The following TDRD9 variants were observed in gnomAD, a reference collection of about 807,000 sequenced individuals.
TDRD9 encodes the protein ATP-dependent RNA helicase TDRD9.
TDRD9 carries 124 observed loss-of-function variants against 172.6 expected under a neutral mutation model. The observed-to-expected ratio is 0.72, with a 90% CI of 0.62 to 0.83. The LOEUF (loss-of-function observed/expected upper bound fraction) is 0.83, where lower values mean the gene tolerates loss of function less well. TDRD9 is among the 40% of genes least tolerant of loss of function. TDRD9 has a pLI of 0.00. For missense variants in TDRD9, 1,479 were observed against 1,714.1 expected (o/e 0.86, Z 2.42); for synonymous variants, 619 against 617.1 (o/e 1.00, Z -0.05).
In TDRD9 at chr14:103,963,156, A is replaced by C; in HGVS notation, c.400A>C (p.Ile134Leu). Reference sequence around the variant, plus strand: ...AACTTATAAATATCCTGATTTGCCTATAAGTCGATACAAGGAAGAGGTAAA... The same window carrying C: ...AACTTATAAATATCCTGATTTGCCTCTAAGTCGATACAAGGAAGAGGTAAA... ...GTTYKYPDLP[I>L]SRYKEEVVSL... The change falls in exon 3 of 36, where the codon ATA (isoleucine) becomes CTA (leucine). Residue 134 changes from isoleucine to leucine, a missense_variant. Physicochemically the swap from Ile to Leu is conservative, Grantham distance 5 (BLOSUM62 2). Around this residue, in one of 3 missense-constraint regions of TDRD9, gnomAD observed 1,413 missense variants for 1,649.1 expected, o/e 0.86. Coordinates refer to ENST00000409874, the MANE Select transcript of TDRD9 (RefSeq NM_153046.3). 6.5e-7 allele frequency: 1 copy of C among 1,548,692 alleles called. No homozygotes were observed. Among genetic ancestry groups the C allele is most frequent in the Non-Finnish European group, 8.7e-7 (1 of 1,145,204 alleles).
chr14:104,021,877 G>A (rs2152239501), intron 23 of TDRD9, among the ~76,000 whole-genome samples: 1 of 152,224 alleles, frequency 6.6e-6, no homozygotes, highest in South Asian at 2.1e-4. Flanking sequence ...AGATTTCTTT[G>A]CCCCAAATTC....
At chr14:104,025,335 C>T (rs1033861354) in intron 25 of TDRD9, among the ~76,000 whole-genome samples, 4 of 152,176 alleles carry the variant, frequency 2.6e-5, no homozygotes, top group East Asian at 1.9e-4. Context: ...AGTCTTGTAC[C>T]GCCAAGAAAA....
At chr14:103,955,517 T>C in intron 1 of TDRD9, 147 bp from the exon 2 acceptor site, 1 of 537,462 alleles carries the variant, frequency 1.9e-6, no homozygotes, top group South Asian at 2.8e-5. Context: ...AATTTGCATC[T>C]GCCTGGTAAC....
rs2034437371 is a variant in TDRD9 at position 104,006,383 on chromosome 14, A to G, written c.1714-6A>G. ...TTGATAATAACACTAATTTTATTTT[A>G]TAAAGGTTGGAGCACTTGCAGTGAG... On this transcript the variant is annotated splice_polypyrimidine_tract_variant and splice_region_variant and intron_variant, in intron 15 of 35. Coordinates refer to ENST00000409874, the MANE Select transcript of TDRD9 (RefSeq NM_153046.3). 4.3e-6 allele frequency: 7 copies of G among 1,610,838 alleles called. No homozygotes were observed. Among genetic ancestry groups the G allele is most frequent in the Non-Finnish European group, 5.9e-6 (7 of 1,178,428 alleles).
intron 6 of TDRD9, among the ~76,000 whole-genome samples, chr14:103,971,206 A>C (rs1337321926): frequency 6.6e-6 from 1 of 151,352 alleles, no homozygotes; most frequent in Non-Finnish European, 1.5e-5. Context: ...GATGGTCTTG[A>C]TCTCCTGACC....
At chr14:104,031,073 TC>T (rs2035265787) in intron 28 of TDRD9, 34 bp from the exon 29 acceptor site, 1 of 1,538,014 alleles carries the variant, frequency 6.5e-7, no homozygotes, top group African/African-American at 1.4e-5. Flanking sequence ...TGTAATATTT[TC>T]TTTTAACAAA....
intron 34 of TDRD9, among the ~76,000 whole-genome samples, chr14:104,048,526 G>T (rs1428327744): frequency 2.6e-5 from 4 of 152,238 alleles, no homozygotes; most frequent in South Asian, 4.1e-4. Flanking sequence ...TTTAAATACT[G>T]CCCTGAAGGC....
chr14:104,013,009 C>T (rs1324527204), intron 20 of TDRD9, among the ~76,000 whole-genome samples: 4 of 152,186 alleles, frequency 2.6e-5, no homozygotes, highest in Admixed American at 6.5e-5. Context: ...TGATTACAGT[C>T]ACATGAAACA....
chr14:104,002,732 CT>C (rs200744019), intron 13 of TDRD9, among the ~76,000 whole-genome samples: 41 of 146,770 alleles, frequency 2.8e-4, no homozygotes, highest in East Asian at 5.9e-4. Flanking sequence ...CTTTTCTTTT[CT>C]TTTTTTTTTT....
At chr14:104,051,900 C>G (rs1029131930) in intron 35 of TDRD9, 81 bp from the exon 36 acceptor site, 4 of 816,192 alleles carry the variant, frequency 4.9e-6, no homozygotes, top group Non-Finnish European at 8.2e-6. Flanking sequence ...TTTGTGCATC[C>G]TGGATGTTAA....
At chr14:103,952,864 C>G (rs531469856) in intron 1 of TDRD9, among the ~76,000 whole-genome samples, 5 of 150,906 alleles carry the variant, frequency 3.3e-5, no homozygotes, top group Non-Finnish European at 7.4e-5. Context: ...CTCAGTCTCC[C>G]GAGTAGCTGG....
Position 103,972,071 on chromosome 14 carries a change from T to C in TDRD9, c.846+1450T>C, listed in dbSNP as rs2152158696. Among the ~76,000 whole-genome samples, 2 of 152,082 alleles carry C rather than the reference T, an allele frequency of 1.3e-5. 1 individual carries two copies. On this transcript the variant is annotated intron_variant, in intron 6 of 35. Transcript: ENST00000409874. ...ACTTGGGAGGCTGACGGAGGATTGC[T>C]TGAGCCTGGGAGGTCCAGGCTGCAG...
chr14:103,991,817 G>A (rs1395170583), intron 9 of TDRD9, among the ~76,000 whole-genome samples: 3 of 151,452 alleles, frequency 2.0e-5, no homozygotes, highest in African/African-American at 7.3e-5. Flanking sequence ...GGGTACAGTG[G>A]CAAAATCTTA....
intron 2 of TDRD9, among the ~76,000 whole-genome samples, chr14:103,957,165 A>T (rs1222401011): frequency 1.3e-5 from 2 of 151,952 alleles, no homozygotes; most frequent in Non-Finnish European, 2.9e-5. Context: ...TCTATGGCCC[A>T]CTCTTTCATT....
In TDRD9 at chr14:103,938,432, A is replaced by ATT. The variant is rs1343962171; in HGVS notation, c.215+9709_215+9710insTT. ...TGTGTGTGTATATATATATATATAT[A>ATT]TATATATATTTTTTTTTTTTTTTTG... On this transcript the variant is annotated intron_variant, in intron 1 of 35. Transcript: ENST00000409874. 2.5e-3 allele frequency among the ~76,000 whole-genome samples: 92 copies of ATT among 37,154 alleles called. 2 individuals are homozygous for ATT. Among genetic ancestry groups the ATT allele is most frequent in the African/African-American group, 3.3e-3 (31 of 9,462 alleles). The allele number at this position is 37,154 out of a possible 152,430, so 24.4% of individuals were successfully genotyped here.
intron 7 of TDRD9, among the ~76,000 whole-genome samples, chr14:103,976,932 C>T (rs558602529): frequency 3.3e-5 from 5 of 152,224 alleles, no homozygotes; most frequent in Non-Finnish European, 7.4e-5. Context: ...TCATAGTTCA[C>T]TGAAACCTTG....
intron 1 of TDRD9, chr14:103,941,072 G>A (rs1168349799): frequency 1.3e-6 from 2 of 1,534,636 alleles, no homozygotes; most frequent in Non-Finnish European, 1.7e-6. Flanking sequence ...TCCCATGGCA[G>A]TACATCATTT....
intron 34 of TDRD9, among the ~76,000 whole-genome samples, chr14:104,046,979 A>G (rs2035799967): frequency 6.6e-6 from 1 of 152,070 alleles, no homozygotes; most frequent in Non-Finnish European, 1.5e-5. Context: ...ACTCTTTTAT[A>G]TTCTTTTCCT....
chr14:103,933,109 T>C (rs1408555496), intron 1 of TDRD9, among the ~76,000 whole-genome samples: 1 of 152,268 alleles, frequency 6.6e-6, no homozygotes, highest in Non-Finnish European at 1.5e-5. Context: ...GATTTCCCCA[T>C]GTCTCCTCTT....
Sources: allele counts gnomAD v4.1 joint callset (sites outside exome capture counted in the v4.1 genomes callset), GRCh38; gene constraint gnomAD v4.1.1; regional missense constraint gnomAD v4.1.1; transcripts MANE v1.5; gene names NCBI Gene and HGNC (gene_info 2026-07-23, HGNC 2026-07-21).